The following SF3B2 variants were observed in gnomAD, a reference collection of about 807,000 sequenced individuals.
The protein encoded by SF3B2 is splicing factor 3b subunit 2, also known as SAP 145.
A neutral mutation model predicts 116.3 loss-of-function variants in SF3B2; 22 were observed. The observed-to-expected ratio is 0.19, with a 90% confidence interval of 0.14 to 0.27. The LOEUF (loss-of-function observed/expected upper bound fraction) is 0.27, where lower values mean the gene tolerates loss of function less well. Among genes scored for constraint, SF3B2 ranks in the 10% least tolerant of loss-of-function variants. SF3B2 has a pLI of 1.00. For synonymous variants in SF3B2, 406 were observed against 421.6 expected (o/e 0.96, Z 0.45); for missense variants, 767 against 1,151.4 (o/e 0.67, Z 4.83).
Position 66,067,950 on chromosome 11 carries a change from G to C in SF3B2, c.2335G>C (p.Glu779Gln). ...KKIEEAMDGS[E>Q]TPQLFTVLPE... ...TGATCCCATTGTCCTTCGCAGAAGTGAGACACCTCAGCTCTTCACTGTGTT... is the reference window on the plus strand; with the variant it reads ...TGATCCCATTGTCCTTCGCAGAAGTCAGACACCTCAGCTCTTCACTGTGTT... The change falls in exon 20 of 22, where the codon GAG becomes CAG. Residue 779 changes from glutamate to glutamine, a missense_variant. Glu to Gln is a conservative substitution (Grantham distance 29). Around this residue, in one of 4 missense-constraint regions of SF3B2, gnomAD observed 282 missense variants for 568.0 expected, o/e 0.50. Transcript: ENST00000322535. 1 of 1,613,758 alleles carries C rather than the reference G, an allele frequency of 6.2e-7. No individual in the cohort carries two copies. Among genetic ancestry groups the C allele is most frequent in the Non-Finnish European group, 8.5e-7 (1 of 1,179,878 alleles).
At chr11:66,054,970 T>G in intron 3 of SF3B2, 106 bp from the exon 4 acceptor site, 1 of 1,072,464 alleles carries the variant, frequency 9.3e-7, no homozygotes, top group Non-Finnish European at 1.3e-6. Context: ...TAACTATGTA[T>G]CATTTGACTT....
chr11:66,066,970 G>A (rs1857198545), intron 19 of SF3B2: 1 of 175,920 alleles, frequency 5.7e-6, no homozygotes, highest in Non-Finnish European at 1.2e-5. Context: ...CTGTTCTGTG[G>A]CCTGCAAACT....
chr11:66,053,099 G>A lies in SF3B2; in HGVS notation c.253G>A (p.Ala85Thr), dbSNP rs893437011. Residue 85 changes from alanine (A) to threonine (T), a missense_variant, in exon 3 of 22, where the codon GCA (alanine) becomes ACA (threonine). Coordinates refer to ENST00000322535, the MANE Select transcript of SF3B2 (RefSeq NM_006842.3). ...CAAAGCCGCTCCACCTCCCATGTCG[G>A]CACAGGTAGGGAGATTCTTCTGTTT... ...GDKAAPPPMS[A>T]QLPGIPMPPP... The A allele has an allele frequency of 1.2e-6, 2 of 1,613,816 alleles. No homozygotes were observed. The highest frequency in any genetic ancestry group is 1.7e-5 in the Admixed American group (1 of 60,018).
In SF3B2 at chr11:66,067,956, C is replaced by A; in HGVS notation, c.2341C>A (p.Pro781Thr). 1.2e-6 allele frequency: 2 copies of A among 1,614,032 alleles called. No homozygotes were observed. Among genetic ancestry groups the A allele is most frequent in the Non-Finnish European group, 1.7e-6 (2 of 1,179,946 alleles). Residue 781 changes from proline to threonine, a missense_variant, in exon 20 of 22, where the codon CCT (proline) becomes ACT (threonine). Pro to Thr is a conservative substitution (Grantham distance 38). This residue lies in a region of SF3B2 where 282 missense variants were observed against 568.0 expected (regional missense o/e 0.50). Coordinates refer to ENST00000322535, the MANE Select transcript of SF3B2 (RefSeq NM_006842.3). ...IEEAMDGSET[P>T]QLFTVLPEKR... is the part of the protein sequence containing the mutation. ...CATTGTCCTTCGCAGAAGTGAGACA[C>A]CTCAGCTCTTCACTGTGTTGCCAGA...
At position 66,052,371 on chromosome 11, in the gene SF3B2, T is replaced by C. The variant is rs370381998; in HGVS notation, c.-14T>C. 22 of 1,606,560 alleles carry C rather than the reference T, an allele frequency of 1.4e-5. No homozygotes were observed. Among genetic ancestry groups the C allele is most frequent in the Non-Finnish European group, 1.7e-5 (20 of 1,177,044 alleles). On this transcript the variant is annotated 5_prime_UTR_variant, in exon 1 of 22. Transcript: ENST00000322535. Reference sequence around the variant, plus strand: ...CCAGCTTCCGGGTTGGTCGCGCGCCTTCCTGCGGCTAAGATGGCGACGGAG... The same window carrying C: ...CCAGCTTCCGGGTTGGTCGCGCGCCCTCCTGCGGCTAAGATGGCGACGGAG...
intron 5 of SF3B2, among the ~76,000 whole-genome samples, chr11:66,056,166 C>T (rs1856989938): frequency 6.6e-6 from 1 of 152,130 alleles, no homozygotes; most frequent in Admixed American, 6.5e-5. Flanking sequence ...CTTTGGGAGG[C>T]TGAGGTGGGT....
At position 66,060,626 on chromosome 11, in the gene SF3B2, G is replaced by A. The variant is rs770036134; in HGVS notation, c.1674G>A (p.Arg558=). The A allele has an allele frequency of 1.2e-6, 2 of 1,614,116 alleles. No individual in the cohort carries two copies. Among genetic ancestry groups the A allele is most frequent in the East Asian group, 2.2e-5 (1 of 44,874 alleles). The change falls in exon 14 of 22, where the codon CGG becomes CGA. Residue 558 remains arginine, a synonymous_variant. Transcript: ENST00000322535. ...AGTCAAAAATGCGAGAGAAAGTTCG[G>A]CCTAAGATGGGCAAAATTGACATCG... ...TMKSKMREKV[R]PKMGKIDIDY...
rs769781930 is a variant in SF3B2, at chr11:66,068,361, G to A, written c.2616+28G>A. The stretch of plus-strand genomic sequence containing the variant: ...AGGCGCTTCCAGGGGCGCTGGGCTG[G>A]GTGAGAGCCAGGGACCCTGGCCTGC... On this transcript the variant is annotated intron_variant, in intron 21 of 21. Transcript: ENST00000322535. The A allele has an allele frequency of 5.8e-6, 9 of 1,549,752 alleles. No homozygotes were observed. In the South Asian group the frequency reaches 8.7e-5, roughly 15 times the overall value.
At chr11:66,058,598 A>G in intron 9 of SF3B2, 193 bp downstream of exon 9, 2 of 629,732 alleles carry the variant, frequency 3.2e-6, no homozygotes, top group Non-Finnish European at 5.5e-6. Flanking sequence ...TTACAGCTGA[A>G]AAAGCAGAGG....
chr11:66,066,525 A>G (rs1419351621), intron 19 of SF3B2: 2 of 152,034 alleles, frequency 1.3e-5, no homozygotes, highest in Admixed American at 6.6e-5. Context: ...ATTCCTGTAC[A>G]TTTTCTTCAG....
chr11:66,055,687 T>A, intron 5 of SF3B2, 102 bp downstream of exon 5: 5 of 1,025,910 alleles, frequency 4.9e-6, no homozygotes, highest in South Asian at 1.4e-5. Context: ...GAGGCTACTT[T>A]GTTCTCAACT....
chr11:66,060,123 C>T (rs961479501), intron 13 of SF3B2, 114 bp downstream of exon 13: 15 of 923,480 alleles, frequency 1.6e-5, no homozygotes, highest in Admixed American at 9.2e-5. Context: ...TGTTACTTGT[C>T]TAATTATCCT....
intron 13 of SF3B2, 123 bp downstream of exon 13, chr11:66,060,132 C>T: frequency 1.1e-6 from 1 of 884,264 alleles, no homozygotes; most frequent in South Asian, 1.6e-5. Flanking sequence ...TCTAATTATC[C>T]TTTTGTTTTC....
chr11:66,057,160 C>T (rs1246152527), intron 6 of SF3B2, 106 bp from the exon 7 acceptor site: 4 of 893,994 alleles, frequency 4.5e-6, no homozygotes, highest in Non-Finnish European at 7.6e-6. Flanking sequence ...ACGCCACGTG[C>T]CCTCCTCCCC....
At chr11:66,064,674 A>G (rs974498418) in intron 19 of SF3B2, 1 of 152,066 alleles carries the variant, frequency 6.6e-6, no homozygotes, top group African/African-American at 2.4e-5. Context: ...GGCTTCCTTT[A>G]ACATTTCTTA....
At chr11:66,066,555 A>T (rs932034367) in intron 19 of SF3B2, 2 of 152,190 alleles carry the variant, frequency 1.3e-5, no homozygotes, top group Admixed American at 6.5e-5. Context: ...GAATATAGTT[A>T]TATGGAGATA....
At chr11:66,055,391 T>C in intron 4 of SF3B2, 76 bp downstream of exon 4, 1 of 1,589,932 alleles carries the variant, frequency 6.3e-7, no homozygotes, top group Non-Finnish European at 8.6e-7. Context: ...GAAAGCTGGG[T>C]CCTAGAACTA....
intron 19 of SF3B2, 107 bp from the exon 20 acceptor site, chr11:66,067,839 A>C (rs1857214681): frequency 9.8e-6 from 8 of 819,300 alleles, no homozygotes; most frequent in South Asian, 8.0e-5. Flanking sequence ...GGGAGCTCAG[A>C]AGCTCTCCAA....
Position 66,059,272 on chromosome 11 carries a change from C to G in SF3B2, c.1254C>G (p.Ala418=). 6.2e-7 allele frequency: 1 copy of G among 1,613,946 alleles called. No homozygotes were observed. The highest frequency in any genetic ancestry group is 8.5e-7 in the Non-Finnish European group (1 of 1,179,986). ...TTGACAAACTGGAGAACTCTGCAGC[C>G]CCCAAGAAGAAGGGATTTGAAGAGG... is the stretch of plus-strand genomic sequence containing the variant. ...EKLDKLENSA[A]PKKKGFEEEH... The change falls in exon 11 of 22, where the codon GCC becomes GCG. Residue 418 remains alanine (A), a synonymous_variant. Coordinates refer to ENST00000322535, the MANE Select transcript of SF3B2 (RefSeq NM_006842.3). This position sits in a 1 kb window ranked among gnomAD's most constrained non-coding sequence, Gnocchi z 5.0.
Sources: gnomAD v4.1 joint callset for allele counts (sites outside exome capture counted in the v4.1 genomes callset) on GRCh38, gnomAD v4.1.1 for gene constraint, gnomAD v4.1.1 regional missense constraint, Gnocchi (gnomAD v3.1) non-coding constraint, MANE v1.5 for transcripts, NCBI Gene and HGNC (gene_info 2026-07-23, HGNC 2026-07-21) for gene names.